Variants in NLGN1 observed in about 807,000 individuals in gnomAD.
NLGN1 encodes neuroligin-1.
Under a neutral mutation model 65.5 loss-of-function variants are expected in NLGN1, and 12 were observed. The observed-to-expected ratio is 0.18, with a 90% CI of 0.12 to 0.30. NLGN1 has a LOEUF of 0.30. Among genes scored for constraint, NLGN1 ranks in the 10% least tolerant of loss-of-function variants. The pLI is 1.00. For missense variants in NLGN1, 750 were observed against 1,007.1 expected (o/e 0.74, Z 3.46); for synonymous variants, 350 against 359.5 (o/e 0.97, Z 0.30).
chr3:173,685,807 G>C (rs1008891717), intron 3 of NLGN1: 9 of 985,000 alleles, frequency 9.1e-6, no homozygotes, highest in African/African-American at 1.7e-5. Flanking sequence ...CACAATGAGA[G>C]GGTTGAATGT....
chr3:173,570,196 G>A lies in NLGN1; in HGVS notation c.-320-34083G>A, dbSNP rs116772401. 9.7e-3 allele frequency among the ~76,000 whole-genome samples: 1,481 copies of A among 152,192 alleles called. 27 individuals carry two copies. Among genetic ancestry groups the A allele is most frequent in the African/African-American group, 0.034 (1,420 of 41,520 alleles). On this transcript the variant is annotated intron_variant, in intron 2 of 6. Coordinates refer to ENST00000457714, the Ensembl canonical transcript of NLGN1. ...AGTGCTGACTAAAGTAAGAATTGAT[G>A]GATCTATAGAAATTAGAAAGGTGGA...
At chr3:173,485,116 C>CA (rs58463042) in intron 2 of NLGN1, among the ~76,000 whole-genome samples, 3,298 of 50,666 alleles carry the variant, frequency 0.065, 135 homozygotes, top group African/African-American at 0.14. Context: ...TGGCAGCAGG[C>CA]AAAAAAAAAA....
At chr3:173,556,450 C>T (rs1340057832) in intron 2 of NLGN1, among the ~76,000 whole-genome samples, 1 of 152,036 alleles carries the variant, frequency 6.6e-6, no homozygotes, top group African/African-American at 2.4e-5. Context: ...TAATTTCCTT[C>T]TTCTTTTTCT....
chr3:174,019,310 A>T (rs1447157326), intron 4 of NLGN1, among the ~76,000 whole-genome samples: 1 of 152,122 alleles, frequency 6.6e-6, no homozygotes, highest in Non-Finnish European at 1.5e-5. Context: ...AAATATGTTC[A>T]TCAAAATGGG....
At chr3:173,955,684 C>T (rs1192056263) in intron 4 of NLGN1, among the ~76,000 whole-genome samples, 2 of 152,068 alleles carry the variant, frequency 1.3e-5, no homozygotes, top group African/African-American at 4.8e-5. Context: ...AGAATAATTG[C>T]TTGACTTAAA....
intron 4 of NLGN1, among the ~76,000 whole-genome samples, chr3:174,171,941 T>A (rs1412646223): frequency 6.6e-6 from 1 of 152,084 alleles, no homozygotes; most frequent in Non-Finnish European, 1.5e-5. Flanking sequence ...ATTTTGGTTA[T>A]TATAATAATC....
intron 4 of NLGN1, among the ~76,000 whole-genome samples, chr3:174,009,882 T>C (rs1226947608): frequency 6.6e-6 from 1 of 152,084 alleles, no homozygotes; most frequent in African/African-American, 2.4e-5. Context: ...AGAGCATTTA[T>C]AGCTTGAGCA....
intron 4 of NLGN1, among the ~76,000 whole-genome samples, chr3:174,006,499 G>C (rs1490961015): frequency 6.6e-6 from 1 of 152,070 alleles, no homozygotes; most frequent in African/African-American, 2.4e-5. Context: ...CTGTACACTT[G>C]ACACACAAAC....
chr3:174,155,009 T>TAATA (rs1338636404), intron 4 of NLGN1, among the ~76,000 whole-genome samples: 3 of 125,166 alleles, frequency 2.4e-5, no homozygotes, highest in African/African-American at 6.6e-5. Flanking sequence ...TATTTATATA[T>TAATA]TGATATAAAT....
intron 2 of NLGN1, among the ~76,000 whole-genome samples, chr3:173,563,348 C>T (rs547482501): frequency 1.2e-4 from 19 of 152,134 alleles, no homozygotes; most frequent in African/African-American, 4.3e-4. Context: ...GAGAGATGCC[C>T]CATCCTCACC....
intron 2 of NLGN1, among the ~76,000 whole-genome samples, chr3:173,550,283 TTATCC>T (rs1740618649): frequency 6.6e-6 from 1 of 151,988 alleles, no homozygotes. Flanking sequence ...AGCTATAATA[TTATCC>T]TCTTCTCTTG....
At chr3:173,696,330 ACTC>A (rs1766214410) in intron 3 of NLGN1, among the ~76,000 whole-genome samples, 1 of 152,132 alleles carries the variant, frequency 6.6e-6, no homozygotes, top group African/African-American at 2.4e-5. Flanking sequence ...CTACCTTAGC[ACTC>A]TAACTTCTCC....
At chr3:173,455,781 G>T (rs557769004) in intron 2 of NLGN1, among the ~76,000 whole-genome samples, 3 of 152,098 alleles carry the variant, frequency 2.0e-5, no homozygotes, top group East Asian at 1.9e-4. Context: ...TGTTTATAGA[G>T]ATTTATTTTA....
chr3:173,547,200 A>C (rs1577214359), intron 2 of NLGN1, among the ~76,000 whole-genome samples: 1 of 152,196 alleles, frequency 6.6e-6, no homozygotes, highest in African/African-American at 2.4e-5. Context: ...AATCTCTCCA[A>C]ATCTTGTTTT....
At chr3:173,436,062 G>A (rs1200537777) in intron 2 of NLGN1, among the ~76,000 whole-genome samples, 1 of 152,094 alleles carries the variant, frequency 6.6e-6, no homozygotes, top group East Asian at 1.9e-4. Flanking sequence ...AACAACACAT[G>A]ATGTATGTTA....
intron 4 of NLGN1, among the ~76,000 whole-genome samples, chr3:173,843,775 C>T (rs1287627149): frequency 1.3e-5 from 2 of 152,164 alleles, no homozygotes; most frequent in Non-Finnish European, 2.9e-5. Context: ...TGCACATTTT[C>T]CTGTCTTCTT....
At chr3:174,108,297 T>C (rs111484424) in intron 4 of NLGN1, among the ~76,000 whole-genome samples, 3 of 152,262 alleles carry the variant, frequency 2.0e-5, no homozygotes, top group African/African-American at 7.2e-5. Flanking sequence ...AATTTTTGTA[T>C]AAGATGTGAA....
At chr3:173,684,498 A>T (rs1168870668) in intron 3 of NLGN1, among the ~76,000 whole-genome samples, 1 of 152,180 alleles carries the variant, frequency 6.6e-6, no homozygotes, top group African/African-American at 2.4e-5. Context: ...GCTCTAATTT[A>T]CTTATAGGCC....
At chr3:173,968,200 T>C (rs1412130956) in intron 4 of NLGN1, among the ~76,000 whole-genome samples, 3 of 152,212 alleles carry the variant, frequency 2.0e-5, no homozygotes, top group Admixed American at 6.5e-5. Context: ...TCTTATGATT[T>C]ATGTATTTCT....
Sources: allele counts gnomAD v4.1 joint callset (sites outside exome capture counted in the v4.1 genomes callset), GRCh38; gene constraint gnomAD v4.1.1; transcripts MANE v1.5; gene names NCBI Gene and HGNC (gene_info 2026-07-23, HGNC 2026-07-21).